Variants in POLQ observed in about 807,000 individuals in gnomAD.
POLQ encodes epididymis secretory sperm binding protein.
In POLQ, 233 loss-of-function variants were observed where a neutral mutation model predicts 259.2. That is an observed-to-expected ratio of 0.90 (90% CI 0.81 to 1.00). The LOEUF (loss-of-function observed/expected upper bound fraction) is 1.00, where lower values mean the gene tolerates loss of function less well. Among genes scored for constraint, POLQ ranks in the 50% least tolerant of loss-of-function variants. The probability of loss-of-function intolerance (pLI) is 0.00; values close to 1 mark genes in which losing one functional copy is unlikely to be tolerated. For missense variants in POLQ, 2,871 were observed against 3,051.6 expected (o/e 0.94, Z 1.39); for synonymous variants, 1,025 against 1,048.8 (o/e 0.98, Z 0.44).
At chr3:121,523,714 CAAAACAAAAATA>C (rs1164943735) in intron 7 of POLQ, among the ~76,000 whole-genome samples, 1 of 150,566 alleles carries the variant, frequency 6.6e-6, no homozygotes, top group East Asian at 1.9e-4. Flanking sequence ...GACCCTGTCT[CAAAACAAAAATA>C]AAAACAAAAA....
At chr3:121,470,507 A>G (rs1279905266) in intron 22 of POLQ, among the ~76,000 whole-genome samples, 4 of 152,156 alleles carry the variant, frequency 2.6e-5, no homozygotes, top group Non-Finnish European at 4.4e-5. Context: ...GATAGTGAGC[A>G]CTTTCTAGGA....
At chr3:121,465,054 T>G (rs1389106613) in intron 24 of POLQ, among the ~76,000 whole-genome samples, 1 of 152,012 alleles carries the variant, frequency 6.6e-6, no homozygotes, top group South Asian at 2.1e-4. Context: ...TTTCTGGTAC[T>G]CAATTCAGTT....
In POLQ at chr3:121,494,022, C is replaced by T; in HGVS notation, c.2279-301G>A. On this transcript the variant is annotated intron_variant, in intron 14 of 29. Coordinates refer to ENST00000264233, the MANE Select transcript of POLQ (RefSeq NM_199420.4). ...ACACAAAACAAACAAGAAGCCCTCA[C>T]CCTAATTCATTCCTCTCTCTCTCTC... 3 of 612,624 alleles carry T rather than the reference C, an allele frequency of 4.9e-6. No individual in the cohort carries two copies. The South Asian group carries it at 6.0e-5, about 12-fold the overall frequency. 37.9% of individuals were successfully genotyped at this position (612,624 alleles called of 1,614,324 possible).
In POLQ at chr3:121,473,319, T is replaced by C. The variant is rs756441288; in HGVS notation, c.6543+31A>G. 4 of 1,579,054 alleles carry C rather than the reference T, an allele frequency of 2.5e-6. No individual in the cohort carries two copies. The African/African-American group carries it at 5.5e-5, about 22-fold the overall frequency. On this transcript the variant is annotated intron_variant, in intron 21 of 29. Coordinates refer to ENST00000264233, the MANE Select transcript of POLQ (RefSeq NM_199420.4). ...AAAATGTTAAAAGTAGTTTAGGTTC[T>C]GCCCTGCTCTGTGACTGCCCCAAAG... is the stretch of plus-strand genomic sequence containing the variant.
intron 19 of POLQ, among the ~76,000 whole-genome samples, chr3:121,479,276 C>A: frequency 6.8e-6 from 1 of 147,546 alleles, no homozygotes; most frequent in African/African-American, 2.5e-5. Context: ...CTTTGGGAGG[C>A]AAAGGCAGGA....
intron 10 of POLQ, among the ~76,000 whole-genome samples, chr3:121,511,226 C>CA (rs34066876): frequency 0.62 from 46,580 of 74,728 alleles, 13,293 homozygotes; most frequent in East Asian, 0.84. Flanking sequence ...ACTCCGTCTC[C>CA]AAAAAAAAAA....
intron 6 of POLQ, among the ~76,000 whole-genome samples, chr3:121,532,312 C>G (rs893530893): frequency 5.3e-5 from 8 of 152,048 alleles, no homozygotes; most frequent in Non-Finnish European, 1.0e-4. Flanking sequence ...ATTATACCTA[C>G]CATTTAACAA....
rs757173473 is a variant in POLQ at position 121,488,559 on chromosome 3, C to T, written c.4372G>A (p.Val1458Ile). Residue 1458 changes from valine to isoleucine, a missense_variant, in exon 16 of 30, where the codon GTT becomes ATT. Transcript: ENST00000264233. ...GYQTQETVKP[V>I]ILLIPQKRTP... ...CTCTTTTGAGGAATCAGAAGTATAACTGGTTTCACAGTTTCTTGTGTTTGA... is the reference window on the plus strand; with the variant it reads ...CTCTTTTGAGGAATCAGAAGTATAATTGGTTTCACAGTTTCTTGTGTTTGA... The T allele has an allele frequency of 6.2e-7, 1 of 1,611,842 alleles. No homozygotes were observed. The highest frequency in any genetic ancestry group is 8.5e-7 in the Non-Finnish European group (1 of 1,179,456).
At chr3:121,456,880 C>T (rs1576403527) in intron 25 of POLQ, among the ~76,000 whole-genome samples, 1 of 152,176 alleles carries the variant, frequency 6.6e-6, no homozygotes. Context: ...TTGGAAAAAT[C>T]TACTTTAAAG....
chr3:121,446,581 A>T (rs1294623563), intron 26 of POLQ, among the ~76,000 whole-genome samples: 2 of 152,072 alleles, frequency 1.3e-5, no homozygotes, highest in Non-Finnish European at 2.9e-5. Flanking sequence ...CTTTAGCTCT[A>T]ATGATATTTG....
intron 2 of POLQ, among the ~76,000 whole-genome samples, chr3:121,543,621 A>T (rs1230879620): frequency 6.6e-6 from 1 of 152,212 alleles, no homozygotes; most frequent in Non-Finnish European, 1.5e-5. Context: ...GCATCTTACC[A>T]AATGATTAGA....
At chr3:121,494,630 C>T (rs139589398) in intron 14 of POLQ, 72,591 of 1,509,212 alleles carry the variant, frequency 0.048, 2,100 homozygotes, top group Middle Eastern at 0.079. Context: ...TGCCCTGTGT[C>T]GTAAAATGGG....
At position 121,447,707 on chromosome 3, in the gene POLQ, C is replaced by CT. The variant is rs562917660; in HGVS notation, c.7264+1607dup. Among the ~76,000 whole-genome samples the CT allele has an allele frequency of 9.4e-4, 143 of 152,236 alleles. 1 individual carries two copies. The highest frequency in any genetic ancestry group is 3.1e-3 in the African/African-American group (127 of 41,558). ...TCCTTTTCTTTCTAATTGTAGAACT[C>CT]TTTTTGGCATTTCTTGTAGGACAAC... is the stretch of plus-strand genomic sequence containing the variant. On this transcript the variant is annotated intron_variant, in intron 26 of 29. Transcript: ENST00000264233.
At chr3:121,523,104 C>T (rs2048349216) in intron 7 of POLQ, among the ~76,000 whole-genome samples, 1 of 152,166 alleles carries the variant, frequency 6.6e-6, no homozygotes, top group South Asian at 2.1e-4. Context: ...CAGCCTTGAC[C>T]TCCTGGGCTC....
At chr3:121,462,081 T>C (rs1406888383) in intron 24 of POLQ, among the ~76,000 whole-genome samples, 1 of 152,228 alleles carries the variant, frequency 6.6e-6, no homozygotes, top group Non-Finnish European at 1.5e-5. Flanking sequence ...TTTCAGATAA[T>C]GGATTTTTGG....
At chr3:121,517,071 C>T (rs999914424) in intron 9 of POLQ, among the ~76,000 whole-genome samples, 1 of 152,174 alleles carries the variant, frequency 6.6e-6, no homozygotes, top group African/African-American at 2.4e-5. Flanking sequence ...AAGATCTCAG[C>T]TTATTTCTTG....
Position 121,508,448 on chromosome 3 carries a change from C to T in POLQ, c.1959+1113G>A, listed in dbSNP as rs7653561. Among the ~76,000 whole-genome samples, 616 of 152,214 alleles carry T rather than the reference C, an allele frequency of 4.0e-3. 4 individuals are homozygous for T. The highest frequency in any genetic ancestry group is 0.014 in the African/African-American group (566 of 41,544). ...CATTTTACAAATGAGGAAATGGAAT[C>T]GTAAGAGAGGTTAAATACTTACCCA... On this transcript the variant is annotated intron_variant, in intron 12 of 29. Coordinates refer to ENST00000264233, the MANE Select transcript of POLQ (RefSeq NM_199420.4).
At chr3:121,462,976 C>A (rs6438633) in intron 24 of POLQ, among the ~76,000 whole-genome samples, 88,068 of 152,094 alleles carry the variant, frequency 0.58, 26,885 homozygotes, top group East Asian at 0.89. Flanking sequence ...ATACTAGCAG[C>A]AATGCTTCAA....
intron 26 of POLQ, among the ~76,000 whole-genome samples, chr3:121,442,880 G>C (rs2047605318): frequency 6.6e-6 from 1 of 151,148 alleles, no homozygotes; most frequent in Non-Finnish European, 1.5e-5. Context: ...TTGTTTTTGA[G>C]ATGGAGTCTC....
Sources: gnomAD v4.1 joint callset for allele counts (sites outside exome capture counted in the v4.1 genomes callset) on GRCh38, gnomAD v4.1.1 for gene constraint, MANE v1.5 for transcripts, NCBI Gene and HGNC (gene_info 2026-07-23, HGNC 2026-07-21) for gene names.